The following OPCML variants were observed in gnomAD, a reference collection of about 807,000 sequenced individuals.
The protein encoded by OPCML is opioid binding protein/cell adhesion molecule like, also known as opioid-binding protein/cell adhesion molecule.
A neutral mutation model predicts 37.8 loss-of-function variants in OPCML; 13 were observed. That is an observed-to-expected ratio of 0.34 (90% confidence interval 0.22 to 0.55). OPCML has a LOEUF of 0.55. OPCML is among the 20% of genes least tolerant of loss of function. The pLI is 0.91. For synonymous variants in OPCML, 176 were observed against 168.8 expected, an observed-to-expected ratio of 1.04 and a Z score of -0.33; for missense variants, 341 against 435.6, an observed-to-expected ratio of 0.78 and a Z score of 1.93.
chr11:133,203,381 T>A (rs2136323381), intron 1 of OPCML, among the ~76,000 whole-genome samples: 1 of 152,330 alleles, frequency 6.6e-6, no homozygotes, highest in Middle Eastern at 3.4e-3. Context: ...CTTTTGCTGC[T>A]GTTTCCTCTC....
chr11:133,086,822 A>C (rs1054146155), intron 1 of OPCML, among the ~76,000 whole-genome samples: 6 of 152,204 alleles, frequency 3.9e-5, no homozygotes, highest in African/African-American at 1.4e-4. Flanking sequence ...CATATAAGTA[A>C]GATCGTGCGG....
At chr11:133,215,695 G>A (rs1246779091) in intron 1 of OPCML, among the ~76,000 whole-genome samples, 2 of 152,100 alleles carry the variant, frequency 1.3e-5, no homozygotes, top group Non-Finnish European at 1.5e-5. Context: ...TTGATGCCCC[G>A]AGGGAGCAGA....
At chr11:132,950,819 C>T (rs1471917128) in intron 1 of OPCML, among the ~76,000 whole-genome samples, 1 of 152,160 alleles carries the variant, frequency 6.6e-6, no homozygotes, top group Non-Finnish European at 1.5e-5. Context: ...AATATATCTC[C>T]TCTACTTGGT....
At chr11:132,493,194 C>T (rs1000385446) in intron 4 of OPCML, among the ~76,000 whole-genome samples, 2 of 152,198 alleles carry the variant, frequency 1.3e-5, no homozygotes, top group African/African-American at 4.8e-5. Flanking sequence ...GGTAACTACA[C>T]TTTTGCTGTA....
chr11:133,342,609 G>A (rs955663008), intron 1 of OPCML, among the ~76,000 whole-genome samples: 23 of 152,198 alleles, frequency 1.5e-4, no homozygotes, highest in African/African-American at 5.3e-4. Context: ...GGTGGAATAT[G>A]TGTGACTAGT....
chr11:132,624,617 C>T (rs1466364546), intron 3 of OPCML, among the ~76,000 whole-genome samples: 2 of 151,822 alleles, frequency 1.3e-5, no homozygotes, highest in South Asian at 2.1e-4. Context: ...CTCACTGATC[C>T]AAGTTTCCAG....
chr11:132,542,466 C>T (rs1231532498), intron 3 of OPCML, among the ~76,000 whole-genome samples: 1 of 152,138 alleles, frequency 6.6e-6, no homozygotes, highest in Non-Finnish European at 1.5e-5. Context: ...TGCATAGCAC[C>T]CAGTCTCTAT....
chr11:133,407,338 C>T (rs186108494), intron 1 of OPCML, among the ~76,000 whole-genome samples: 31 of 152,216 alleles, frequency 2.0e-4, no homozygotes, highest in Admixed American at 1.2e-3. Flanking sequence ...AGTTGTAATT[C>T]ATGATATAAA....
chr11:133,076,151 G>A (rs1392057679), intron 1 of OPCML, among the ~76,000 whole-genome samples: 1 of 151,926 alleles, frequency 6.6e-6, no homozygotes, highest in African/African-American at 2.4e-5. Context: ...CAATAGGGTG[G>A]TGGGATATGT....
intron 1 of OPCML, among the ~76,000 whole-genome samples, chr11:133,009,513 C>A (rs1947176443): frequency 3.3e-5 from 5 of 152,160 alleles, no homozygotes; most frequent in Admixed American, 2.6e-4. Flanking sequence ...AGTATTCAGA[C>A]CAAGTGAAAC....
intron 1 of OPCML, among the ~76,000 whole-genome samples, chr11:133,307,093 G>A (rs531817585): frequency 1.6e-4 from 24 of 152,140 alleles, no homozygotes; most frequent in Admixed American, 5.9e-4. Flanking sequence ...ACCTCCCTCC[G>A]CTGTTCCTCC....
At chr11:133,185,286 A>G (rs1262498331) in intron 1 of OPCML, among the ~76,000 whole-genome samples, 1 of 152,204 alleles carries the variant, frequency 6.6e-6, no homozygotes, top group East Asian at 1.9e-4. Flanking sequence ...TTTGTATAAG[A>G]TTATTTGATT....
chr11:133,303,524 G>A (rs1028466431), intron 1 of OPCML, among the ~76,000 whole-genome samples: 2 of 152,138 alleles, frequency 1.3e-5, no homozygotes, highest in African/African-American at 2.4e-5. Context: ...ATAATAGAGC[G>A]AGAAAGTCTA....
chr11:133,011,212 G>T lies in OPCML; in HGVS notation c.62-68202C>A, dbSNP rs111458920. ...AATTTGTGTCAAGCACATGGGATCAGGCCCTTTCTATGGAGTCTAAGTGGC... is the reference window on the plus strand; with the variant it reads ...AATTTGTGTCAAGCACATGGGATCATGCCCTTTCTATGGAGTCTAAGTGGC... On this transcript the variant is annotated intron_variant, in intron 1 of 7. Transcript: ENST00000524381. Among the ~76,000 whole-genome samples the T allele has an allele frequency of 4.0e-3, 610 of 152,352 alleles. 2 individuals are homozygous for T. Among genetic ancestry groups the T allele is most frequent in the African/African-American group, 0.013 (561 of 41,572 alleles).
chr11:132,512,331 G>A (rs1288377970), intron 4 of OPCML, among the ~76,000 whole-genome samples: 2 of 151,916 alleles, frequency 1.3e-5, no homozygotes, highest in East Asian at 1.9e-4. Flanking sequence ...CTTACTATAC[G>A]ACTTACCAAT....
At chr11:132,519,530 C>T (rs758583815) in intron 4 of OPCML, among the ~76,000 whole-genome samples, 1 of 151,938 alleles carries the variant, frequency 6.6e-6, no homozygotes, top group Admixed American at 6.6e-5. Context: ...TGTTAAGTTG[C>T]AAAAATACAG....
chr11:133,500,876 G>C (rs1372238412), intron 1 of OPCML, among the ~76,000 whole-genome samples: 1 of 152,142 alleles, frequency 6.6e-6, no homozygotes, highest in Non-Finnish European at 1.5e-5. Flanking sequence ...AAAGTAGAGA[G>C]GGAGGAGTCT....
chr11:133,447,205 TTGTC>T (rs1401791865), intron 1 of OPCML, among the ~76,000 whole-genome samples: 2 of 152,190 alleles, frequency 1.3e-5, no homozygotes, highest in African/African-American at 4.8e-5. Context: ...GCTCTTGTTA[TTGTC>T]TGTCTTTTTT....
At chr11:133,118,453 G>A (rs1949370432) in intron 1 of OPCML, 1 of 979,252 alleles carries the variant, frequency 1.0e-6, no homozygotes, top group African/African-American at 1.7e-5. Context: ...AAAGTGGACT[G>A]AAAACTGGAA....
Sources: allele counts gnomAD v4.1 joint callset (sites outside exome capture counted in the v4.1 genomes callset), GRCh38; gene constraint gnomAD v4.1.1; transcripts MANE v1.5; gene names NCBI Gene and HGNC (gene_info 2026-07-23, HGNC 2026-07-21).